B3GLCT: variants seen among roughly 807,000 people sequenced by gnomAD.
B3GLCT encodes the protein beta 3-glucosyltransferase.
In B3GLCT, 65 loss-of-function variants were observed where a neutral mutation model predicts 63.4. The observed-to-expected ratio is 1.03, with a 90% CI of 0.84 to 1.26. The LOEUF is 1.26. Among genes scored for constraint, B3GLCT ranks in the 50% most tolerant of loss-of-function variants. B3GLCT has a pLI of 0.00. For synonymous variants in B3GLCT, 233 were observed against 219.2 expected, an observed-to-expected ratio of 1.06 and a Z score of -0.55; for missense variants, 577 against 604.8, an observed-to-expected ratio of 0.95 and a Z score of 0.48.
At chr13:31,212,665 C>T (rs1316578694) in intron 1 of B3GLCT, among the ~76,000 whole-genome samples, 5 of 152,194 alleles carry the variant, frequency 3.3e-5, no homozygotes, top group Admixed American at 2.6e-4. Context: ...CTGCCTTGGC[C>T]TCCCGAAGTG....
chr13:31,286,770 C>G lies in B3GLCT; in HGVS notation c.1015C>G (p.Gln339Glu). ...TTTGGAAAGATTTCTGAATCGTAGC[C>G]AGGACAAAACAGCATGGTTAGTCAT... ...AILERFLNRS[Q>E]DKTAWLVIVD... The change falls in exon 12 of 15, where the codon CAG (glutamine) becomes GAG (glutamate). Residue 339 changes from glutamine to glutamate, a missense_variant. Gln to Glu is a conservative substitution (Grantham distance 29, BLOSUM62 2). Transcript: ENST00000343307. The G allele has an allele frequency of 6.2e-7, 1 of 1,613,398 alleles. No individual in the cohort carries two copies. Among genetic ancestry groups the G allele is most frequent in the Non-Finnish European group, 8.5e-7 (1 of 1,179,606 alleles).
At chr13:31,265,058 C>T (rs1364841020) in intron 7 of B3GLCT, among the ~76,000 whole-genome samples, 2 of 152,212 alleles carry the variant, frequency 1.3e-5, no homozygotes, top group Non-Finnish European at 2.9e-5. Context: ...TTCCTGTTTG[C>T]ATCCAATAGT....
intron 4 of B3GLCT, among the ~76,000 whole-genome samples, chr13:31,242,228 T>C (rs1327629913): frequency 6.6e-6 from 1 of 152,126 alleles, no homozygotes; most frequent in Non-Finnish European, 1.5e-5. Context: ...AGCAGAGCCA[T>C]GTTGATAGGT....
At chr13:31,206,650 A>G (rs1868972090) in intron 1 of B3GLCT, among the ~76,000 whole-genome samples, 1 of 150,786 alleles carries the variant, frequency 6.6e-6, no homozygotes, top group Non-Finnish European at 1.5e-5. Context: ...GCTACTCGAG[A>G]GGCTGAGGCA....
intron 1 of B3GLCT, among the ~76,000 whole-genome samples, chr13:31,205,562 GA>G (rs200093468): frequency 5.4e-5 from 8 of 148,528 alleles, no homozygotes; most frequent in East Asian, 2.0e-4. Context: ...CCGTCTAAAA[GA>G]AAAAAAAAAG....
intron 7 of B3GLCT, among the ~76,000 whole-genome samples, chr13:31,263,563 A>G (rs1872147827): frequency 6.6e-6 from 1 of 152,038 alleles, no homozygotes; most frequent in African/African-American, 2.4e-5. Flanking sequence ...TGCTCACCTC[A>G]TTACTGTCTC....
chr13:31,207,142 A>G (rs1869001464), intron 1 of B3GLCT, among the ~76,000 whole-genome samples: 1 of 152,212 alleles, frequency 6.6e-6, no homozygotes. Flanking sequence ...CCATCTGCAC[A>G]CTAAGGGGGT....
At chr13:31,293,818 T>C (rs1367050560) in intron 12 of B3GLCT, among the ~76,000 whole-genome samples, 1 of 152,234 alleles carries the variant, frequency 6.6e-6, no homozygotes, top group African/African-American at 2.4e-5. Context: ...TTAAGGTTAA[T>C]ATTGTTATGT....
intron 12 of B3GLCT, among the ~76,000 whole-genome samples, chr13:31,300,611 G>A (rs1874175366): frequency 6.6e-6 from 1 of 152,118 alleles, no homozygotes; most frequent in African/African-American, 2.4e-5. Context: ...ACCGGTCCTT[G>A]TACAATGAAT....
chr13:31,248,780 C>G (rs1024497070), intron 6 of B3GLCT, among the ~76,000 whole-genome samples: 1 of 152,152 alleles, frequency 6.6e-6, no homozygotes, highest in African/African-American at 2.4e-5. Flanking sequence ...AAATCCCTAG[C>G]CCTTAGCAGA....
At chr13:31,323,958 G>T (rs1225330748) in intron 14 of B3GLCT, 63 bp downstream of exon 14, 1 of 1,583,202 alleles carries the variant, frequency 6.3e-7, no homozygotes, top group Admixed American at 1.7e-5. Context: ...CTCACTTAAG[G>T]ATTTGACTTC....
At chr13:31,232,660 A>T (rs1411355112) in intron 4 of B3GLCT, among the ~76,000 whole-genome samples, 5 of 152,092 alleles carry the variant, frequency 3.3e-5, no homozygotes, top group Non-Finnish European at 5.9e-5. Flanking sequence ...TATATTGTAG[A>T]TCCTGTCTTC....
At chr13:31,207,434 A>G (rs1340783318) in intron 1 of B3GLCT, among the ~76,000 whole-genome samples, 2 of 152,138 alleles carry the variant, frequency 1.3e-5, no homozygotes, top group Non-Finnish European at 1.5e-5. Context: ...CACCCCCAAG[A>G]CTGTTTTGAG....
chr13:31,232,990 T>G (rs1303169010), intron 4 of B3GLCT, among the ~76,000 whole-genome samples: 8 of 152,356 alleles, frequency 5.3e-5, no homozygotes, highest in Admixed American at 4.6e-4. Context: ...TTTGGCCGTA[T>G]GTACGCATGC....
At chr13:31,315,626 T>G (rs2104375) in intron 12 of B3GLCT, among the ~76,000 whole-genome samples, 1 of 152,224 alleles carries the variant, frequency 6.6e-6, no homozygotes, top group Non-Finnish European at 1.5e-5. Flanking sequence ...GCAGCCTGAC[T>G]GTGAGGTGAA....
intron 2 of B3GLCT, 146 bp downstream of exon 2, chr13:31,215,246 C>T: frequency 1.2e-6 from 1 of 811,666 alleles, no homozygotes; most frequent in Non-Finnish European, 2.0e-6. Context: ...ATTTTGAATC[C>T]CTAATGCAAC....
At chr13:31,253,112 A>G (rs1227060279) in intron 6 of B3GLCT, among the ~76,000 whole-genome samples, 1 of 152,174 alleles carries the variant, frequency 6.6e-6, no homozygotes, top group Non-Finnish European at 1.5e-5. Flanking sequence ...CTGAATGACT[A>G]CTGGGTAAAT....
intron 4 of B3GLCT, among the ~76,000 whole-genome samples, chr13:31,244,461 C>T (rs1386347754): frequency 6.6e-6 from 1 of 152,176 alleles, no homozygotes; most frequent in Non-Finnish European, 1.5e-5. Flanking sequence ...CATTGCACTA[C>T]AGCCTGGGTG....
intron 7 of B3GLCT, among the ~76,000 whole-genome samples, chr13:31,268,759 A>G (rs538414922): frequency 6.6e-6 from 1 of 152,322 alleles, no homozygotes; most frequent in African/African-American, 2.4e-5. Context: ...TGTTCAAACA[A>G]GACAGTGACT....
Sources: gnomAD v4.1 joint callset for allele counts (sites outside exome capture counted in the v4.1 genomes callset) on GRCh38, gnomAD v4.1.1 for gene constraint, MANE v1.5 for transcripts, NCBI Gene and HGNC (gene_info 2026-07-23, HGNC 2026-07-21) for gene names.